FANCB: variants seen among roughly 807,000 people sequenced by gnomAD.
FANCB encodes the protein Fanconi anemia group B protein.
In FANCB, 5 loss-of-function variants were observed where a neutral mutation model predicts 38.9. That is an observed-to-expected ratio of 0.13 (90% CI 0.07 to 0.27). The LOEUF is 0.27. Ranked by LOEUF, FANCB falls within the 10% of genes least tolerant of loss-of-function variation. FANCB has a pLI of 1.00. For missense variants in FANCB, 573 were observed against 602.7 expected, an observed-to-expected ratio of 0.95 and a Z score of 0.52; for synonymous variants, 236 against 215.4, an observed-to-expected ratio of 1.10 and a Z score of -0.84.
the FANCB span, among the ~76,000 whole-genome samples, chrX:14,789,689 G>A: frequency 9.0e-6 from 1 of 111,532 alleles, no homozygotes. Flanking sequence ...TATGATGTTT[G>A]CAAGATGACT....
chrX:14,847,967 A>C (rs1042445931), intron 7 of FANCB, among the ~76,000 whole-genome samples: 1 of 112,022 alleles, frequency 8.9e-6, no homozygotes, highest in African/African-American at 3.2e-5. Flanking sequence ...TGTAATAATT[A>C]ATAGAAAAAT....
chrX:14,699,912 A>G, the FANCB span, among the ~76,000 whole-genome samples: 1 of 112,034 alleles, frequency 8.9e-6, no homozygotes, highest in African/African-American at 3.2e-5. Flanking sequence ...CTCACTTCTA[A>G]GTGGGAGCTA....
chrX:14,728,929 A>G, the FANCB span, among the ~76,000 whole-genome samples: 1 of 112,253 alleles, frequency 8.9e-6, no homozygotes, highest in African/African-American at 3.2e-5. Flanking sequence ...CCCATTTTGC[A>G]CATGATCAAG....
the FANCB span, among the ~76,000 whole-genome samples, chrX:14,716,900 T>G: frequency 9.0e-6 from 1 of 111,601 alleles, no homozygotes; most frequent in African/African-American, 3.3e-5. Context: ...CTTGTATGTC[T>G]CAGCAGTGTT....
chrX:14,697,205 A>G, the FANCB span, among the ~76,000 whole-genome samples: 2 of 112,294 alleles, frequency 1.8e-5, no homozygotes, highest in African/African-American at 6.5e-5. Context: ...CAACTGTGTG[A>G]GTAATGCAAT....
the FANCB span, chrX:14,730,905 C>T: frequency 2.1e-5 from 1 of 46,875 alleles, no homozygotes; most frequent in East Asian, 5.2e-4. Context: ...CACACACACA[C>T]ACACACACAC....
the FANCB span, among the ~76,000 whole-genome samples, chrX:14,817,849 C>T: frequency 9.0e-6 from 1 of 111,436 alleles, no homozygotes; most frequent in Non-Finnish European, 1.9e-5. Flanking sequence ...AAGTCAGTTC[C>T]GGAAAGATGA....
chrX:14,698,681 CAAAAAAAAAAAAA>C, the FANCB span, among the ~76,000 whole-genome samples: 1 of 21,125 alleles, frequency 4.7e-5, no homozygotes, highest in East Asian at 2.7e-3. Flanking sequence ...CTATCTATCT[CAAAAAAAAAAAAA>C]AAAAAAAAAA....
At chrX:14,694,748 C>T in the FANCB span, among the ~76,000 whole-genome samples, 1 of 112,484 alleles carries the variant, frequency 8.9e-6, no homozygotes, top group Admixed American at 9.4e-5. Flanking sequence ...TACGTTGCTT[C>T]ACAGGACAGA....
the FANCB span, among the ~76,000 whole-genome samples, chrX:14,718,177 A>G: frequency 4.5e-5 from 5 of 111,298 alleles, no homozygotes; most frequent in African/African-American, 1.6e-4. Flanking sequence ...TCAAGTGACT[A>G]AGATAAGATA....
chrX:14,748,968 T>A, the FANCB span, among the ~76,000 whole-genome samples: 1 of 112,044 alleles, frequency 8.9e-6, no homozygotes, highest in Non-Finnish European at 1.9e-5. Flanking sequence ...AAAGTATGAC[T>A]TAAGCAGGGC....
chrX:14,729,655 G>A, the FANCB span, among the ~76,000 whole-genome samples: 1 of 111,324 alleles, frequency 9.0e-6, no homozygotes, highest in East Asian at 2.8e-4. Context: ...CTAGAGGGCT[G>A]GAGGGGGAAC....
the FANCB span, among the ~76,000 whole-genome samples, chrX:14,773,722 A>G: frequency 9.0e-6 from 1 of 111,719 alleles, no homozygotes; most frequent in Non-Finnish European, 1.9e-5. Context: ...CAAGAGTGGG[A>G]CTCTAGTGAG....
the FANCB span, among the ~76,000 whole-genome samples, chrX:14,726,848 T>C: frequency 8.9e-6 from 1 of 112,447 alleles, no homozygotes; most frequent in East Asian, 2.8e-4. Context: ...ACATACCCTT[T>C]CTATTTCTTT....
chrX:14,844,101 C>T (rs1479496472), intron 9 of FANCB, 120 bp from the exon 10 acceptor site: 1 of 554,135 alleles, frequency 1.8e-6, no homozygotes, highest in Non-Finnish European at 2.8e-6. Context: ...TAAACAGAAC[C>T]AATTATGTAC....
the FANCB span, chrX:14,690,631 TTTCC>T: frequency 1.4e-6 from 1 of 706,611 alleles, no homozygotes; most frequent in Non-Finnish European, 2.2e-6. Context: ...AAGAATCTGG[TTTCC>T]TGGCAGGCTT....
chrX:14,869,470 T>C (rs188706706), intron 1 of FANCB, among the ~76,000 whole-genome samples: 36 of 111,997 alleles, frequency 3.2e-4, no homozygotes, highest in African/African-American at 1.0e-3. Flanking sequence ...ATCTTCCAAC[T>C]CTCTGTTCCA....
the FANCB span, among the ~76,000 whole-genome samples, chrX:14,720,027 A>G: frequency 8.9e-6 from 1 of 111,735 alleles, no homozygotes; most frequent in Non-Finnish European, 1.9e-5. Context: ...AGTGGTTACT[A>G]GAGGAAGAGA....
At chrX:14,736,450 C>T in the FANCB span, among the ~76,000 whole-genome samples, 1 of 111,813 alleles carries the variant, frequency 8.9e-6, no homozygotes, top group Non-Finnish European at 1.9e-5. Context: ...TGCACCATTC[C>T]TCACAGCACA....
Sources: allele counts gnomAD v4.1 joint callset (sites outside exome capture counted in the v4.1 genomes callset), GRCh38; gene constraint gnomAD v4.1.1; transcripts MANE v1.5; gene names NCBI Gene and HGNC (gene_info 2026-07-23, HGNC 2026-07-21).